The following RERE variants were observed in gnomAD, a reference collection of about 807,000 sequenced individuals.
RERE encodes arginine-glutamic acid dipeptide repeats protein.
Under a neutral mutation model 146.1 loss-of-function variants are expected in RERE, and 40 were observed. The ratio of observed to expected loss-of-function variants is 0.27; its 90% CI spans 0.21 to 0.36. The LOEUF (loss-of-function observed/expected upper bound fraction) is 0.36, where lower values mean the gene tolerates loss of function less well. Ranked by LOEUF, RERE falls within the 10% of genes least tolerant of loss-of-function variation. The probability of loss-of-function intolerance (pLI) is 1.00; values close to 1 mark genes in which losing one functional copy is unlikely to be tolerated. For synonymous variants in RERE, 1,003 were observed against 866.0 expected (o/e 1.16, Z -2.78); for missense variants, 1,933 against 2,138.7 (o/e 0.90, Z 1.90).
intron 4 of RERE, among the ~76,000 whole-genome samples, chr1:8,576,257 C>T (rs1448577569): frequency 6.6e-6 from 1 of 151,820 alleles, no homozygotes; most frequent in Non-Finnish European, 1.5e-5. Flanking sequence ...TGCACCTTTT[C>T]TATAGGCATG....
chr1:8,517,096 T>C (rs952705236), intron 7 of RERE, among the ~76,000 whole-genome samples: 31 of 152,148 alleles, frequency 2.0e-4, no homozygotes, highest in Admixed American at 1.8e-3. Flanking sequence ...CTAATGCCAG[T>C]TTCCTGGTTT....
At chr1:8,399,830 A>G (rs146310069) in intron 12 of RERE, among the ~76,000 whole-genome samples, 1,920 of 151,360 alleles carry the variant, frequency 0.013, 35 homozygotes, top group African/African-American at 0.043. Context: ...AAGAATTTGC[A>G]TATCATTTGT....
intron 11 of RERE, among the ~76,000 whole-genome samples, chr1:8,432,200 G>C (rs1004244933): frequency 1.3e-5 from 2 of 151,994 alleles, no homozygotes; most frequent in African/African-American, 4.8e-5. Flanking sequence ...TCCACAATTG[G>C]GTTCCCAATC....
intron 1 of RERE, among the ~76,000 whole-genome samples, chr1:8,799,106 G>T (rs1369965545): frequency 6.6e-6 from 1 of 152,034 alleles, no homozygotes; most frequent in African/African-American, 2.4e-5. Flanking sequence ...CTATTCTCCT[G>T]CCTCAGCCTC....
intron 1 of RERE, among the ~76,000 whole-genome samples, chr1:8,704,466 G>A (rs2124445338): frequency 6.6e-6 from 1 of 152,276 alleles, no homozygotes; most frequent in Middle Eastern, 3.4e-3. Context: ...CAAGTTTCAT[G>A]GAACTCTCAA....
chr1:8,421,741 T>G (rs1421353349), intron 12 of RERE, among the ~76,000 whole-genome samples: 1 of 152,110 alleles, frequency 6.6e-6, no homozygotes, highest in Admixed American at 6.5e-5. Context: ...AAAACCCAAA[T>G]TATCCGCATA....
At chr1:8,624,252 T>C (rs1646949279) in intron 3 of RERE, 58 bp downstream of exon 3, 18 of 1,322,050 alleles carry the variant, frequency 1.4e-5, no homozygotes, top group Middle Eastern at 2.6e-4. Context: ...AGATAGCCAA[T>C]GGAACTGGAA....
rs567139149 is a variant in RERE at position 8,803,441 on chromosome 1, G to A, written c.-145+13719C>T. On this transcript the variant is annotated intron_variant, in intron 1 of 22. Transcript: ENST00000400908. ...GCCAAGATTGTGCCACTGCACTCCA[G>A]CCTGGGGACAGAGTGAGACTCTGTC... is the stretch of plus-strand genomic sequence containing the variant. Among the ~76,000 whole-genome samples the A allele has an allele frequency of 3.5e-3, 534 of 152,228 alleles. 6 individuals carry two copies. The highest frequency in any genetic ancestry group is 0.012 in the African/African-American group (508 of 41,542).
chr1:8,479,732 T>A (rs1197714568), intron 10 of RERE, among the ~76,000 whole-genome samples: 2 of 152,220 alleles, frequency 1.3e-5, no homozygotes, highest in African/African-American at 2.4e-5. Context: ...GACAACTTGA[T>A]GTCAGATTTC....
chr1:8,466,095 C>T, intron 10 of RERE, 72 bp from the exon 11 acceptor site: 3 of 1,240,846 alleles, frequency 2.4e-6, no homozygotes, highest in Non-Finnish European at 3.4e-6. Flanking sequence ...CCAAGGCAAG[C>T]TCCTCATTGA....
Position 8,356,822 on chromosome 1 carries a change from T to A in RERE, c.4340-576A>T, listed in dbSNP as rs1641314219. On this transcript the variant is annotated intron_variant, in intron 20 of 22. Coordinates refer to ENST00000400908, the MANE Select transcript of RERE (RefSeq NM_001042681.2). This position sits in a 1 kb window ranked among gnomAD's most constrained non-coding sequence, Gnocchi z 5.2. ...CACTGCACCACCTCCTGCCCTCACCTCCTATCTCCCAGCTCCAGCCAACAC... is the reference window on the plus strand; with the variant it reads ...CACTGCACCACCTCCTGCCCTCACCACCTATCTCCCAGCTCCAGCCAACAC... Among the ~76,000 whole-genome samples, 1 of 152,034 alleles carries A rather than the reference T, an allele frequency of 6.6e-6. No homozygotes were observed. The highest frequency in any genetic ancestry group is 1.5e-5 in the Non-Finnish European group (1 of 67,984).
At chr1:8,453,903 C>T (rs1644419221) in intron 11 of RERE, among the ~76,000 whole-genome samples, 2 of 152,176 alleles carry the variant, frequency 1.3e-5, no homozygotes, top group South Asian at 4.1e-4. Flanking sequence ...TAATTAGAGG[C>T]CCTATCTGAA....
chr1:8,559,261 CA>C (rs1646043828), intron 4 of RERE, among the ~76,000 whole-genome samples: 1 of 33,472 alleles, frequency 3.0e-5, no homozygotes. Context: ...GCCTGGGCAA[CA>C]AGAGCAAAAC....
intron 1 of RERE, among the ~76,000 whole-genome samples, chr1:8,808,571 T>A (rs1037937135): frequency 2.0e-5 from 3 of 152,136 alleles, no homozygotes; most frequent in Non-Finnish European, 4.4e-5. Context: ...TATCTCAATT[T>A]TACAGATGAG....
At chr1:8,583,066 C>T (rs1646387399) in intron 4 of RERE, among the ~76,000 whole-genome samples, 1 of 152,150 alleles carries the variant, frequency 6.6e-6, no homozygotes, top group Non-Finnish European at 1.5e-5. Context: ...ATGGTTTATA[C>T]AGGAATGGTG....
chr1:8,574,419 ACT>A (rs1223483137), intron 4 of RERE, among the ~76,000 whole-genome samples: 1 of 132,202 alleles, frequency 7.6e-6, no homozygotes, highest in African/African-American at 3.0e-5. Flanking sequence ...ATCTCGGCTC[ACT>A]GCAAGCTCCG....
intron 1 of RERE, among the ~76,000 whole-genome samples, chr1:8,808,481 C>T (rs1316757303): frequency 6.6e-6 from 1 of 152,132 alleles, no homozygotes; most frequent in Non-Finnish European, 1.5e-5. Context: ...TGACCATTTA[C>T]TATGTGCCAG....
chr1:8,591,569 A>T (rs1646494574), intron 4 of RERE, among the ~76,000 whole-genome samples: 1 of 152,150 alleles, frequency 6.6e-6, no homozygotes, highest in South Asian at 2.1e-4. Flanking sequence ...CACAATCCAA[A>T]TCCAGTTAGT....
chr1:8,502,562 C>G, intron 8 of RERE, among the ~76,000 whole-genome samples: 1 of 145,368 alleles, frequency 6.9e-6, no homozygotes, highest in South Asian at 2.2e-4. Context: ...CCCCTCTGCC[C>G]GGCCACGACC....
Sources: allele counts gnomAD v4.1 joint callset (sites outside exome capture counted in the v4.1 genomes callset), GRCh38; gene constraint gnomAD v4.1.1; non-coding constraint Gnocchi (gnomAD v3.1); transcripts MANE v1.5; gene names NCBI Gene and HGNC (gene_info 2026-07-23, HGNC 2026-07-21).